The following HDAC9 variants were observed in gnomAD, a reference collection of about 807,000 sequenced individuals.
The protein encoded by HDAC9 is histone deacetylase 9, also known as MEF-2 interacting transcription repressor (MITR) protein.
A neutral mutation model predicts 139.4 loss-of-function variants in HDAC9; 41 were observed. The ratio of observed to expected loss-of-function variants is 0.29; its 90% CI spans 0.23 to 0.38. HDAC9 has a LOEUF of 0.38. Among genes scored for constraint, HDAC9 ranks in the 10% least tolerant of loss-of-function variants. HDAC9 has a pLI of 1.00. For missense variants in HDAC9, 1,147 were observed against 1,297.0 expected, an observed-to-expected ratio of 0.88 and a Z score of 1.78; for synonymous variants, 517 against 476.2, an observed-to-expected ratio of 1.09 and a Z score of -1.12.
At chr7:18,786,150 T>C (rs1791695527) in intron 16 of HDAC9, among the ~76,000 whole-genome samples, 1 of 152,222 alleles carries the variant, frequency 6.6e-6, no homozygotes, top group Admixed American at 6.5e-5. Flanking sequence ...CTGCTATTCA[T>C]GTTCCCTAAG....
At chr7:18,593,339 A>G (rs1312951105) in intron 5 of HDAC9, among the ~76,000 whole-genome samples, 1 of 152,052 alleles carries the variant, frequency 6.6e-6, no homozygotes, top group Non-Finnish European at 1.5e-5. Flanking sequence ...CCCAGGAAAA[A>G]GAAAACATTT....
chr7:18,967,124 A>G (rs186064998), intron 24 of HDAC9, among the ~76,000 whole-genome samples: 2 of 152,152 alleles, frequency 1.3e-5, no homozygotes, highest in East Asian at 3.9e-4. Context: ...AAGAAGCAGC[A>G]GTTTCTACTT....
rs1830681356 is a variant in HDAC9 at position 18,590,624 on chromosome 7, C to G, written c.415+138C>G. The G allele has an allele frequency of 6.7e-6, 6 of 889,964 alleles. No individual in the cohort carries two copies. The South Asian group carries it at 1.3e-4, about 20-fold the overall frequency. 55.1% of individuals were successfully genotyped at this position (889,964 alleles called of 1,614,324 possible). A position where few individuals can be genotyped will look rare whatever the true frequency, so the allele number is the denominator to read the frequency against. ...TAATTAAAAGCATAGATTACAGACCCAACTGTAAAGTTTTGACATTTACAT... is the reference window on the plus strand; with the variant it reads ...TAATTAAAAGCATAGATTACAGACCGAACTGTAAAGTTTTGACATTTACAT... On this transcript the variant is annotated intron_variant, in intron 4 of 25. Transcript: ENST00000686413.
At chr7:18,168,034 C>T (rs1395523388) in intron 2 of HDAC9, among the ~76,000 whole-genome samples, 1 of 152,132 alleles carries the variant, frequency 6.6e-6, no homozygotes, top group Admixed American at 6.5e-5. Flanking sequence ...TAAGAGTTGC[C>T]TAAGCCTTTG....
At chr7:18,989,568 T>G (rs930007484) in intron 25 of HDAC9, among the ~76,000 whole-genome samples, 1 of 150,644 alleles carries the variant, frequency 6.6e-6, no homozygotes, top group Non-Finnish European at 1.5e-5. Context: ...CTTTGTGGCG[T>G]TCTCTGTATT....
At chr7:18,565,324 C>T (rs1821954401) in intron 2 of HDAC9, among the ~76,000 whole-genome samples, 1 of 152,178 alleles carries the variant, frequency 6.6e-6, no homozygotes, top group African/African-American at 2.4e-5. Flanking sequence ...AAAAATATCC[C>T]ATGGTTTGTT....
rs150784377 is a variant in HDAC9 at position 18,552,058 on chromosome 7, G to A, written c.23-33223G>A. Among the ~76,000 whole-genome samples the A allele has an allele frequency of 1.3e-3, 198 of 152,192 alleles. 1 individual carries two copies. Among genetic ancestry groups the A allele is most frequent in the African/African-American group, 4.4e-3 (184 of 41,530 alleles). ...TTTTAAAAGATTAAGCATTTGGCTT[G>A]GAATTATCAAGTAATCCTGTGTAGT... is the stretch of plus-strand genomic sequence containing the variant. On this transcript the variant is annotated intron_variant, in intron 2 of 25. Transcript: ENST00000686413.
chr7:18,513,801 C>T (rs1329372362), intron 2 of HDAC9, among the ~76,000 whole-genome samples: 3 of 152,106 alleles, frequency 2.0e-5, no homozygotes, highest in Non-Finnish European at 4.4e-5. Context: ...TTTTTAATTC[C>T]CTAAACCAGA....
At chr7:18,995,825 G>GTGAT (rs1229240487) in intron 25 of HDAC9, among the ~76,000 whole-genome samples, 198 bp from the exon 26 acceptor site, 36 of 152,246 alleles carry the variant, frequency 2.4e-4, no homozygotes, top group African/African-American at 8.7e-4. Context: ...AACATTTCCA[G>GTGAT]TGATTGCTTG....
chr7:18,228,454 T>C (rs765295202), intron 2 of HDAC9, among the ~76,000 whole-genome samples: 4 of 152,124 alleles, frequency 2.6e-5, no homozygotes, highest in Non-Finnish European at 4.4e-5. Flanking sequence ...TCACTGTCAC[T>C]GTGATAAAGG....
chr7:18,692,729 A>G (rs1047648145), intron 12 of HDAC9, among the ~76,000 whole-genome samples: 2 of 152,128 alleles, frequency 1.3e-5, no homozygotes, highest in Non-Finnish European at 2.9e-5. Context: ...TCTTGTATAT[A>G]AACAGGGCTC....
At chr7:18,712,300 C>T (rs796483865) in intron 12 of HDAC9, among the ~76,000 whole-genome samples, 11 of 152,256 alleles carry the variant, frequency 7.2e-5, no homozygotes, top group African/African-American at 2.4e-4. Flanking sequence ...CGGCAACAAC[C>T]TTCTCTACCA....
At chr7:18,571,224 A>C (rs767223018) in intron 2 of HDAC9, among the ~76,000 whole-genome samples, 3 of 152,268 alleles carry the variant, frequency 2.0e-5, no homozygotes, top group Non-Finnish European at 4.4e-5. Flanking sequence ...TTTTTAATTC[A>C]GCATTTTAAA....
intron 11 of HDAC9, among the ~76,000 whole-genome samples, chr7:18,653,790 G>A (rs2129044827): frequency 6.6e-6 from 1 of 152,190 alleles, no homozygotes; most frequent in East Asian, 1.9e-4. Context: ...TTAGCTTTTG[G>A]AAGAGAATTT....
chr7:18,372,209 T>A (rs1347699195), intron 1 of HDAC9, among the ~76,000 whole-genome samples: 1 of 152,224 alleles, frequency 6.6e-6, no homozygotes, highest in Non-Finnish European at 1.5e-5. Flanking sequence ...TCAAAGCCAC[T>A]GAGCTAGGCA....
intron 1 of HDAC9, among the ~76,000 whole-genome samples, chr7:18,129,043 C>A (rs1468505535): frequency 6.6e-6 from 1 of 152,106 alleles, no homozygotes; most frequent in Admixed American, 6.6e-5. Context: ...ATAACATAAG[C>A]CCCTAATCCT....
In HDAC9 at chr7:18,496,285, C is replaced by T. The variant is rs1407478212; in HGVS notation, c.-18C>T. 2 of 1,613,184 alleles carry T rather than the reference C, an allele frequency of 1.2e-6. No homozygotes were observed. Among genetic ancestry groups the T allele is most frequent in the Non-Finnish European group, 1.7e-6 (2 of 1,179,438 alleles). On this transcript the variant is annotated 5_prime_UTR_variant, in exon 2 of 26. Coordinates refer to ENST00000686413, the MANE Select transcript of HDAC9 (RefSeq NM_178425.4). ...AGATGGGGTGGCTGGACGAGAGCAGCTCTTGGCTCAGCAAAGAATGCACAG... is the reference window on the plus strand; with the variant it reads ...AGATGGGGTGGCTGGACGAGAGCAGTTCTTGGCTCAGCAAAGAATGCACAG...
intron 2 of HDAC9, among the ~76,000 whole-genome samples, chr7:18,553,544 C>A (rs1817787990): frequency 6.6e-6 from 1 of 152,182 alleles, no homozygotes; most frequent in South Asian, 2.1e-4. Context: ...TTTTATTCTG[C>A]ACTTTTCATA....
chr7:18,479,314 G>A (rs1795361236), intron 1 of HDAC9, among the ~76,000 whole-genome samples: 1 of 152,082 alleles, frequency 6.6e-6, no homozygotes, highest in Non-Finnish European at 1.5e-5. Context: ...ATGTGTATGT[G>A]TAGTTTGATA....
Sources: gnomAD v4.1 joint callset for allele counts (sites outside exome capture counted in the v4.1 genomes callset) on GRCh38, gnomAD v4.1.1 for gene constraint, MANE v1.5 for transcripts, NCBI Gene and HGNC (gene_info 2026-07-23, HGNC 2026-07-21) for gene names.